FN1: variants seen among roughly 807,000 people sequenced by gnomAD.
The protein encoded by FN1 is fibronectin 1.
Under a neutral mutation model 297.3 loss-of-function variants are expected in FN1, and 106 were observed. The ratio of observed to expected loss-of-function variants is 0.36; its 90% CI spans 0.30 to 0.42. The LOEUF (loss-of-function observed/expected upper bound fraction) is 0.42, where lower values mean the gene tolerates loss of function less well. Among genes scored for constraint, FN1 ranks in the 10% least tolerant of loss-of-function variants. The pLI, the probability that FN1 is intolerant of heterozygous loss-of-function variation, is 1.00. For synonymous variants in FN1, 1,149 were observed against 1,152.6 expected, an observed-to-expected ratio of 1.00 and a Z score of 0.06; for missense variants, 2,690 against 3,124.9, an observed-to-expected ratio of 0.86 and a Z score of 3.32.
chr2:215,394,155 G>A (rs2060032625), intron 24 of FN1, among the ~76,000 whole-genome samples: 1 of 152,156 alleles, frequency 6.6e-6, no homozygotes, highest in African/African-American at 2.4e-5. Flanking sequence ...TGTAAAATCG[G>A]GCAGAAATGT....
intron 20 of FN1, among the ~76,000 whole-genome samples, chr2:215,400,367 A>C (rs977107615): frequency 6.6e-6 from 1 of 152,102 alleles, no homozygotes; most frequent in African/African-American, 2.4e-5. Flanking sequence ...ATACTGCAAA[A>C]ATTTAGTATT....
chr2:215,419,324 A>G lies in FN1; in HGVS notation c.1737T>C (p.Tyr579=), dbSNP rs199627161. 1.2e-6 allele frequency: 2 copies of G among 1,613,442 alleles called. No individual in the cohort carries two copies. The highest frequency in any genetic ancestry group is 3.3e-5 in the Admixed American group (2 of 60,020). Reference sequence around the variant, plus strand: ...AGCACTGGTATCTGACACCATGCACATACTTCTCCCATGAATCTCCAATTT... The same window carrying G: ...AGCACTGGTATCTGACACCATGCACGTACTTCTCCCATGAATCTCCAATTT... ...FYQIGDSWEK[Y]VHGVRYQCYC... Residue 579 remains tyrosine (Y), a synonymous_variant, in exon 12 of 46, where the codon TAT becomes TAC. Coordinates refer to ENST00000354785, the MANE Select transcript of FN1 (RefSeq NM_212482.4).
intron 19 of FN1, 134 bp downstream of exon 19, chr2:215,406,104 C>T (rs948696288): frequency 2.3e-6 from 2 of 882,152 alleles, no homozygotes; most frequent in Admixed American, 1.8e-5. Flanking sequence ...GTTCACTATG[C>T]ATTCCCTTGC....
chr2:215,433,140 G>A (rs927115034), intron 3 of FN1, among the ~76,000 whole-genome samples, 184 bp downstream of exon 3: 42 of 152,092 alleles, frequency 2.8e-4, no homozygotes, highest in African/African-American at 9.7e-4. Context: ...GATTCCATCT[G>A]TGCTCATACC....
chr2:215,400,373 G>C (rs2060851821), intron 20 of FN1, among the ~76,000 whole-genome samples: 1 of 152,074 alleles, frequency 6.6e-6, no homozygotes. Context: ...CAAAAATTTA[G>C]TATTTTATCA....
intron 20 of FN1, among the ~76,000 whole-genome samples, chr2:215,399,968 A>G (rs1461365770): frequency 6.6e-6 from 1 of 152,086 alleles, no homozygotes; most frequent in Non-Finnish European, 1.5e-5. Context: ...TGGGTGGATC[A>G]CTTGAGGTCA....
At chr2:215,426,352 G>A (rs576253871) in intron 6 of FN1, among the ~76,000 whole-genome samples, 1 of 152,004 alleles carries the variant, frequency 6.6e-6, no homozygotes, top group South Asian at 2.1e-4. Flanking sequence ...GTTTCACCGT[G>A]TTAGCCAGGA....
chr2:215,401,251 G>GAAAAAAAGAAATA (rs1559475860), intron 20 of FN1, among the ~76,000 whole-genome samples: 1 of 80,170 alleles, frequency 1.2e-5, no homozygotes, highest in African/African-American at 5.2e-5. Flanking sequence ...AGAAAGAAAG[G>GAAAAAAAGAAATA]AAGAAAGAAA....
intron 20 of FN1, among the ~76,000 whole-genome samples, chr2:215,401,205 A>G (rs573194565): frequency 2.4e-5 from 1 of 41,130 alleles, no homozygotes; most frequent in East Asian, 5.6e-4. Context: ...AAGAAAAGAA[A>G]GAAAGAAAGA....
At position 215,390,343 on chromosome 2, in the gene FN1, C is replaced by T. The variant is rs111312017; in HGVS notation, c.4252+1289G>A. Among the ~76,000 whole-genome samples the T allele has an allele frequency of 8.7e-3, 1,318 of 152,218 alleles. 9 individuals are homozygous for T. Among genetic ancestry groups the T allele is most frequent in the Middle Eastern group, 0.024 (7 of 294 alleles). On this transcript the variant is annotated intron_variant, in intron 26 of 45. Transcript: ENST00000354785. ...GAGACCACAGGTGTGCACCACCATGCCCGGCTAATTTTTGTATTTTTTGTA... is the reference window on the plus strand; with the variant it reads ...GAGACCACAGGTGTGCACCACCATGTCCGGCTAATTTTTGTATTTTTTGTA...
At chr2:215,411,792 G>C (rs1199362117) in intron 13 of FN1, among the ~76,000 whole-genome samples, 3 of 151,254 alleles carry the variant, frequency 2.0e-5, no homozygotes, top group Non-Finnish European at 2.9e-5. Context: ...TCAGCTTCCC[G>C]AGTAGCTGGG....
intron 32 of FN1, chr2:215,381,958 G>C (rs1345751034): frequency 4.5e-6 from 2 of 446,100 alleles, no homozygotes; most frequent in Non-Finnish European, 8.3e-6. Flanking sequence ...ATAAGATTTC[G>C]CTGAGGCCAT....
Position 215,436,038 on chromosome 2 carries a change from C to G in FN1, c.-236G>C. On this transcript the variant is annotated 5_prime_UTR_variant, in exon 1 of 46. Coordinates refer to ENST00000354785, the MANE Select transcript of FN1 (RefSeq NM_212482.4). The stretch of plus-strand genomic sequence containing the variant: ...CCCGCTCGCGCCTGGGGTTCCCTCT[C>G]CTCCCCCTGTGCAGCACAGCCGGCG... The G allele has an allele frequency of 1.2e-6, 1 of 851,326 alleles. No individual in the cohort carries two copies. Among genetic ancestry groups the G allele is most frequent in the Non-Finnish European group, 1.7e-6 (1 of 579,488 alleles). 52.7% of individuals were successfully genotyped at this position (851,326 alleles called of 1,614,324 possible).
chr2:215,423,562 T>A lies in FN1; in HGVS notation c.1217-36A>T, dbSNP rs372480268. ...CAATACACAACAAAGAAGGAAAAGATTACCGCTGAGCTTTCCAATGTACAC... is the reference window on the plus strand; with the variant it reads ...CAATACACAACAAAGAAGGAAAAGAATACCGCTGAGCTTTCCAATGTACAC... On this transcript the variant is annotated intron_variant, in intron 8 of 45. Coordinates refer to ENST00000354785, the MANE Select transcript of FN1 (RefSeq NM_212482.4). The A allele has an allele frequency of 3.0e-4, 479 of 1,600,868 alleles. No individual in the cohort carries two copies. The African/African-American group carries it at 5.8e-3, about 19-fold the overall frequency.
rs16853861 is a variant in FN1, at chr2:215,376,862, A to T, written c.5711-188T>A. ...AACTGTAATTAGAAAATAGGAAAAT[A>T]TCTACCTCTCAGACATTTTATTTTG... On this transcript the variant is annotated intron_variant, in intron 35 of 45. Transcript: ENST00000354785. Among the ~76,000 whole-genome samples, 2,570 of 152,300 alleles carry T rather than the reference A, an allele frequency of 0.017. 44 individuals carry two copies. Among genetic ancestry groups the T allele is most frequent in the Middle Eastern group, 0.031 (9 of 294 alleles).
chr2:215,407,973 C>T, intron 17 of FN1, 135 bp downstream of exon 17: 2 of 710,092 alleles, frequency 2.8e-6, no homozygotes, highest in South Asian at 1.5e-5. Context: ...CACACACACA[C>T]ACACACAAAC....
At chr2:215,391,580 T>C (rs368379640) in intron 26 of FN1, 52 bp downstream of exon 26, 1 of 1,501,888 alleles carries the variant, frequency 6.7e-7, no homozygotes, top group Non-Finnish European at 9.3e-7. Flanking sequence ...TTAGAATTCA[T>C]TTGCTATGCT....
chr2:215,394,716 A>G lies in FN1; in HGVS notation c.3608T>C (p.Ile1203Thr). The G allele has an allele frequency of 6.2e-7, 1 of 1,613,030 alleles. No homozygotes were observed. Among genetic ancestry groups the G allele is most frequent in the Non-Finnish European group, 8.5e-7 (1 of 1,179,090 alleles). ...GGTTGTGGTAATTCTATAACCAGTAATGTCTGGAGAAAAAAGAAAAGGGAA... is the reference window on the plus strand; with the variant it reads ...GGTTGTGGTAATTCTATAACCAGTAGTGTCTGGAGAAAAAAGAAAAGGGAA... ...VSWERSTTPD[I>T]TGYRITTTPT... Residue 1203 changes from isoleucine to threonine, a missense_variant, in exon 24 of 46, where the codon ATT becomes ACT. Around this residue, in one of 3 missense-constraint regions of FN1, gnomAD observed 1,743 missense variants for 1,945.2 expected, o/e 0.90. Transcript: ENST00000354785.
At chr2:215,407,964 ACAC>A in intron 17 of FN1, 141 bp downstream of exon 17, 1 of 592,310 alleles carries the variant, frequency 1.7e-6, no homozygotes, top group Non-Finnish European at 3.0e-6. Flanking sequence ...CCACACACAC[ACAC>A]ACACACACAC....
Sources: gnomAD v4.1 joint callset for allele counts (sites outside exome capture counted in the v4.1 genomes callset) on GRCh38, gnomAD v4.1.1 for gene constraint, gnomAD v4.1.1 regional missense constraint, MANE v1.5 for transcripts, NCBI Gene and HGNC (gene_info 2026-07-23, HGNC 2026-07-21) for gene names.